CACNA1A: variants seen among roughly 807,000 people sequenced by gnomAD.
The protein encoded by CACNA1A is calcium voltage-gated channel subunit alpha1 A.
Under a neutral mutation model 262.4 loss-of-function variants are expected in CACNA1A, and 57 were observed. The ratio of observed to expected loss-of-function variants is 0.22; its 90% CI spans 0.18 to 0.27. The LOEUF (loss-of-function observed/expected upper bound fraction) is 0.27. Ranked by LOEUF, CACNA1A falls within the 10% of genes least tolerant of loss-of-function variation. CACNA1A has a pLI of 1.00. For missense variants in CACNA1A, 2,526 were observed against 3,562.8 expected (o/e 0.71, Z 7.41); for synonymous variants, 1,431 against 1,419.3 (o/e 1.01, Z -0.18).
chr19:13,412,520 C>G (rs1468979380), intron 3 of CACNA1A, among the ~76,000 whole-genome samples: 1 of 151,590 alleles, frequency 6.6e-6, no homozygotes, highest in African/African-American at 2.4e-5. Context: ...CTCTGTCACC[C>G]AGGCTGGAGT....
Position 13,294,487 on chromosome 19 carries a change from C to CTTTT in CACNA1A, c.3089+4053_3089+4056dup, listed in dbSNP as rs780908964. Among the ~76,000 whole-genome samples the CTTTT allele has an allele frequency of 2.4e-3, 172 of 72,524 alleles. 25 individuals carry two copies. Among genetic ancestry groups the CTTTT allele is most frequent in the African/African-American group, 5.4e-3 (83 of 15,310 alleles). The allele number at this position is 72,524 out of a possible 152,430, so 47.6% of individuals were successfully genotyped here. ...TACAGGTGCATACCACTGTACCTGG[C>CTTTT]TTTTTTTTTTTTTTTTTTTTTTTGA... On this transcript the variant is annotated intron_variant, in intron 19 of 46. Transcript: ENST00000360228.
chr19:13,499,962 C>G (rs1008650590), intron 1 of CACNA1A, among the ~76,000 whole-genome samples: 2 of 151,918 alleles, frequency 1.3e-5, no homozygotes, highest in African/African-American at 4.8e-5. Context: ...GGGGGGGAAA[C>G]AGGGAGGGGG....
intron 22 of CACNA1A, among the ~76,000 whole-genome samples, chr19:13,282,426 C>T (rs74907841): frequency 0.021 from 3,138 of 152,226 alleles, 49 homozygotes; most frequent in Non-Finnish European, 0.032. Flanking sequence ...GACTGAGGCA[C>T]GCCCTTGCCT....
chr19:13,331,386 G>A (rs966323910), intron 9 of CACNA1A, among the ~76,000 whole-genome samples: 21 of 152,106 alleles, frequency 1.4e-4, no homozygotes, highest in Non-Finnish European at 1.3e-4. Context: ...ACAGGCGTGT[G>A]CCATGACACC....
chr19:13,355,905 T>A (rs1175628822), intron 6 of CACNA1A, among the ~76,000 whole-genome samples: 1 of 152,140 alleles, frequency 6.6e-6, no homozygotes, highest in Non-Finnish European at 1.5e-5. Flanking sequence ...CTTCTTCCCA[T>A]CCAGTTGTGA....
In CACNA1A at chr19:13,379,267, G is replaced by T. The variant is rs1314852076; in HGVS notation, c.540-7488C>A. 2.6e-5 allele frequency among the ~76,000 whole-genome samples: 4 copies of T among 152,224 alleles called. No homozygotes were observed. In the South Asian group the frequency reaches 8.3e-4, roughly 32 times the overall value. On this transcript the variant is annotated intron_variant, in intron 3 of 46. Transcript: ENST00000360228. Reference sequence around the variant, plus strand: ...AAGTGTTGGGATTACAAGCCACTGTGCTCAGCCTTGATGGATTTTAAAATT... The same window carrying T: ...AAGTGTTGGGATTACAAGCCACTGTTCTCAGCCTTGATGGATTTTAAAATT...
chr19:13,292,711 A>G (rs1290549611), intron 19 of CACNA1A, among the ~76,000 whole-genome samples: 1 of 152,236 alleles, frequency 6.6e-6, no homozygotes, highest in Non-Finnish European at 1.5e-5. Flanking sequence ...AAAAATGTAC[A>G]AGGCAGACCT....
At chr19:13,275,805 G>T in intron 24 of CACNA1A, 45 bp downstream of exon 24, 1 of 1,307,554 alleles carries the variant, frequency 7.6e-7, no homozygotes, top group Non-Finnish European at 1.1e-6. Flanking sequence ...CCAGGCTGGG[G>T]GTTGGGGGAA....
chr19:13,424,754 C>G (rs2060373046), intron 3 of CACNA1A, among the ~76,000 whole-genome samples: 1 of 151,886 alleles, frequency 6.6e-6, no homozygotes, highest in East Asian at 1.9e-4. Flanking sequence ...AGATGACAGG[C>G]ATAAGTCATA....
rs749587119 is a variant in CACNA1A at position 13,365,402 on chromosome 19, T to C, written c.699A>G (p.Leu233=). The C allele has an allele frequency of 5.6e-6, 9 of 1,613,142 alleles. No individual in the cohort carries two copies. The highest frequency in any genetic ancestry group is 1.7e-5 in the Admixed American group (1 of 59,952). Residue 233 remains leucine, a synonymous_variant, in exon 5 of 47, where the codon CTA becomes CTG. Coordinates refer to ENST00000360228, the MANE Select transcript of CACNA1A (RefSeq NM_001127222.2). ...MIPLLQIGLL[L]FFAILIFAII... is the part of the protein sequence containing the mutation. ...TTGCAAAAATAAGGATTGCAAAAAA[T>C]AGGAGGAGGCCGATCTGCAGCAAAG...
chr19:13,429,190 A>AC (rs1322725197), intron 3 of CACNA1A, among the ~76,000 whole-genome samples: 1 of 151,252 alleles, frequency 6.6e-6, no homozygotes, highest in Non-Finnish European at 1.5e-5. Context: ...ACACACACAC[A>AC]CACACACACA....
In CACNA1A at chr19:13,345,932, G is replaced by A. The variant is rs140062466; in HGVS notation, c.979-10023C>T. Among the ~76,000 whole-genome samples the A allele has an allele frequency of 4.7e-5, 6 of 127,204 alleles. 1 individual carries two copies. In the Admixed American group the frequency reaches 5.0e-4, roughly 11 times the overall value. 83.5% of individuals were successfully genotyped at this position (127,204 alleles called of 152,430 possible). ...TTTTTTTTTTTTGAGACAGAGTCTCGCTCTGTCACCTAGGCTGGAGTGCAG... is the reference window on the plus strand; with the variant it reads ...TTTTTTTTTTTTGAGACAGAGTCTCACTCTGTCACCTAGGCTGGAGTGCAG... On this transcript the variant is annotated intron_variant, in intron 6 of 46. Coordinates refer to ENST00000360228, the MANE Select transcript of CACNA1A (RefSeq NM_001127222.2).
chr19:13,424,200 AAAC>A (rs1471995516), intron 3 of CACNA1A, among the ~76,000 whole-genome samples: 1 of 150,572 alleles, frequency 6.6e-6, no homozygotes, highest in Non-Finnish European at 1.5e-5. Context: ...AATACAAAAC[AAAC>A]AAACAAACAA....
chr19:13,250,676 G>A (rs1335882267), intron 30 of CACNA1A, among the ~76,000 whole-genome samples: 5 of 152,174 alleles, frequency 3.3e-5, no homozygotes, highest in Non-Finnish European at 7.3e-5. Flanking sequence ...GATTACAGGT[G>A]TGAGCCACCG....
intron 1 of CACNA1A, among the ~76,000 whole-genome samples, chr19:13,473,104 T>C (rs1430001158): frequency 6.6e-6 from 1 of 151,902 alleles, no homozygotes; most frequent in Admixed American, 6.6e-5. Flanking sequence ...AATTTAAAAA[T>C]TAGCTGAGTA....
chr19:13,238,296 T>A (rs10421681), intron 31 of CACNA1A, among the ~76,000 whole-genome samples: 73,080 of 151,928 alleles, frequency 0.48, 17,908 homozygotes, highest in Middle Eastern at 0.62. Context: ...TAGAATGTGA[T>A]GGGGGTGGGA....
At chr19:13,451,092 A>T (rs2060906529) in intron 3 of CACNA1A, 1 of 152,312 alleles carries the variant, frequency 6.6e-6, no homozygotes, top group Non-Finnish European at 1.5e-5. Context: ...AAGCCACCGA[A>T]CTGTGAGCAC....
At chr19:13,407,113 T>C (rs1257196830) in intron 3 of CACNA1A, among the ~76,000 whole-genome samples, 3 of 152,188 alleles carry the variant, frequency 2.0e-5, no homozygotes, top group African/African-American at 7.2e-5. Context: ...GTCAGTAAAA[T>C]ATTTTGCTCT....
chr19:13,227,391 C>T, intron 37 of CACNA1A, 40 bp downstream of exon 37: 1 of 991,732 alleles, frequency 1.0e-6, no homozygotes, highest in Non-Finnish European at 1.5e-6. Flanking sequence ...GAAAAAAAAA[C>T]CCAGTGCCTG....
Sources: allele counts gnomAD v4.1 joint callset (sites outside exome capture counted in the v4.1 genomes callset), GRCh38; gene constraint gnomAD v4.1.1; transcripts MANE v1.5; gene names NCBI Gene and HGNC (gene_info 2026-07-23, HGNC 2026-07-21).